FBXO24: variants seen among roughly 807,000 people sequenced by gnomAD.
FBXO24 encodes F-box protein 24.
FBXO24 carries 30 observed loss-of-function variants against 63.5 expected under a neutral mutation model. The ratio of observed to expected loss-of-function variants is 0.47; its 90% CI spans 0.35 to 0.64. FBXO24 has a LOEUF of 0.64. FBXO24 is among the 30% of genes least tolerant of loss of function. The pLI, the probability that FBXO24 is intolerant of heterozygous loss-of-function variation, is 0.00. For missense variants in FBXO24, 624 were observed against 763.4 expected (o/e 0.82, Z 2.15); for synonymous variants, 300 against 305.0 (o/e 0.98, Z 0.17).
chr7:100,591,686 C>G lies in FBXO24; in HGVS notation c.342C>G (p.Phe114Leu). Reference sequence around the variant, plus strand: ...CTCCAGACACGAAGGGCCTGTATTTCCAGGCATTTGGAGGCCGCCGCCGAT... The same window carrying G: ...CTCCAGACACGAAGGGCCTGTATTTGCAGGCATTTGGAGGCCGCCGCCGAT... Reference protein sequence around the residue: ...AILNYTKGLYFQAFGGRRRCL... With the variant: ...AILNYTKGLYLQAFGGRRRCL... The change falls in exon 4 of 10, where the codon TTC becomes TTG. Residue 114 changes from phenylalanine to leucine, a missense_variant. Phe to Leu is a conservative substitution (Grantham distance 22, BLOSUM62 0). Coordinates refer to ENST00000241071, the MANE Select transcript of FBXO24 (RefSeq NM_033506.3). 6.2e-7 allele frequency: 1 copy of G among 1,614,162 alleles called. No homozygotes were observed. The highest frequency in any genetic ancestry group is 8.5e-7 in the Non-Finnish European group (1 of 1,180,006).
At chr7:100,592,705 C>A in intron 4 of FBXO24, 78 bp from the exon 5 acceptor site, 2 of 1,140,838 alleles carry the variant, frequency 1.8e-6, no homozygotes, top group Non-Finnish European at 2.6e-6. Flanking sequence ...ATTTCACTTC[C>A]CACCCCAGGA....
chr7:100,597,085 G>A (rs1802346782), intron 8 of FBXO24, among the ~76,000 whole-genome samples: 1 of 152,144 alleles, frequency 6.6e-6, no homozygotes, highest in Non-Finnish European at 1.5e-5. Context: ...GAAACGTCTA[G>A]CTGGCAATTA....
chr7:100,598,712 C>T (rs1802429681), intron 8 of FBXO24, among the ~76,000 whole-genome samples: 1 of 152,194 alleles, frequency 6.6e-6, no homozygotes, highest in Non-Finnish European at 1.5e-5. Flanking sequence ...TCAACTAGCT[C>T]ACACCTGTAA....
intron 4 of FBXO24, chr7:100,592,362 A>G (rs560528631): frequency 4.1e-6 from 1 of 242,058 alleles, no homozygotes; most frequent in South Asian, 5.3e-5. Context: ...ACTTACAATC[A>G]TGGCAGAAGG....
At position 100,600,052 on chromosome 7, in the gene FBXO24, A is replaced by G. The variant is rs1223607902; in HGVS notation, c.1228A>G (p.Ile410Val). 3 of 1,514,290 alleles carry G rather than the reference A, an allele frequency of 2.0e-6. No homozygotes were observed. Among genetic ancestry groups the G allele is most frequent in the Non-Finnish European group, 2.7e-6 (3 of 1,121,252 alleles). The allele number at this position is 1,514,290 out of a possible 1,614,324, so 93.8% of individuals were successfully genotyped here. Residue 410 changes from isoleucine to valine, a missense_variant, in exon 9 of 10, where the codon ATC becomes GTC. Ile to Val is a conservative substitution (Grantham distance 29). This residue lies in a region of FBXO24 where 216 missense variants were observed against 245.2 expected (regional missense o/e 0.88). Transcript: ENST00000241071. This position sits in a 1 kb window ranked among gnomAD's most constrained non-coding sequence, Gnocchi z 6.3. ...PTQVCYLQRPITLWCGLNHSL... is the reference protein window; with the variant it reads ...PTQVCYLQRPVTLWCGLNHSL... Reference sequence around the variant, plus strand: ...CCAGGTTTGTTACCTGCAGCGGCCCATCACCCTGTGGTGCGGCCTCAACCA... The same window carrying G: ...CCAGGTTTGTTACCTGCAGCGGCCCGTCACCCTGTGGTGCGGCCTCAACCA...
intron 8 of FBXO24, 148 bp from the exon 9 acceptor site, chr7:100,599,883 G>A: frequency 1.2e-6 from 1 of 838,634 alleles, no homozygotes; most frequent in Non-Finnish European, 1.9e-6. Context: ...GGGGTCAGCA[G>A]GGCAGACCTG....
At chr7:100,592,669 C>A in intron 4 of FBXO24, 114 bp from the exon 5 acceptor site, 1 of 779,176 alleles carries the variant, frequency 1.3e-6, no homozygotes, top group Non-Finnish European at 2.1e-6. Flanking sequence ...AAATCAAGGG[C>A]TCATTTCCCA....
chr7:100,601,094 G>A lies in FBXO24; in HGVS notation c.*195G>A. The A allele has an allele frequency of 2.1e-6, 1 of 470,674 alleles. No homozygotes were observed. Among genetic ancestry groups the A allele is most frequent in the Non-Finnish European group, 3.4e-6 (1 of 295,164 alleles). The allele number at this position is 470,674 out of a possible 1,614,324, so 29.2% of individuals were successfully genotyped here. A position where few individuals can be genotyped will look rare whatever the true frequency, so the allele number is the denominator to read the frequency against. ...ACTATCATGGACAAGAGATTTGATG[G>A]ATAGAATAAAAGGCTGCAGCGAGGC... On this transcript the variant is annotated 3_prime_UTR_variant, in exon 10 of 10. Transcript: ENST00000241071.
Position 100,600,727 on chromosome 7 carries a change from G to T in FBXO24, c.1571G>T (p.Ser524Ile), listed in dbSNP as rs1387916550. Residue 524 changes from serine to isoleucine, a missense_variant, in exon 10 of 10, where the codon AGC (serine) becomes ATC (isoleucine). Transcript: ENST00000241071. The surrounding 1 kb of genome is among the most constrained non-coding windows in gnomAD (Gnocchi z 6.3). ...GCCCAGGCCTGCGAGGAGTACCTCA[G>T]CCAGATCCACAGTTGCCAAACGTTG... ...GMAQACEEYLSQIHSCQTLQD... is the reference protein window; with the variant it reads ...GMAQACEEYLIQIHSCQTLQD... The T allele has an allele frequency of 6.2e-7, 1 of 1,614,188 alleles. No individual in the cohort carries two copies.
rs748527293 is a variant in FBXO24 at position 100,586,671 on chromosome 7, T to C, written c.39+7T>C. The C allele has an allele frequency of 7.4e-6, 12 of 1,614,126 alleles. No homozygotes were observed. The Admixed American group carries it at 2.0e-4, about 27-fold the overall frequency. ...TTTGCTAAGGAGGAGGCGGGTGAGC[T>C]AGAACTTTAAGACTGAGGTTAAGAA... On this transcript the variant is annotated splice_region_variant and intron_variant, in intron 1 of 9. Transcript: ENST00000241071.
rs1246120185 is a variant in FBXO24 at position 100,594,438 on chromosome 7, C to T, written c.849C>T (p.Arg283=). 2 of 1,613,824 alleles carry T rather than the reference C, an allele frequency of 1.2e-6. No individual in the cohort carries two copies. The highest frequency in any genetic ancestry group is 2.2e-5 in the East Asian group (1 of 44,868). The stretch of plus-strand genomic sequence containing the variant: ...ATGAGACCCAGCTTGACCAGCCACG[C>T]TCCTACACGGTTCAGCTGGCCCTGA... ...VVNETQLDQP[R]SYTVQLALRK... Residue 283 remains arginine, a synonymous_variant, in exon 6 of 10, where the codon CGC becomes CGT. Coordinates refer to ENST00000241071, the MANE Select transcript of FBXO24 (RefSeq NM_033506.3). This position sits in a 1 kb window ranked among gnomAD's most constrained non-coding sequence, Gnocchi z 4.2.
intron 8 of FBXO24, among the ~76,000 whole-genome samples, chr7:100,597,801 A>G (rs1212966212): frequency 3.9e-5 from 6 of 152,020 alleles, no homozygotes; most frequent in Non-Finnish European, 8.8e-5. Flanking sequence ...TCCAGGGCTC[A>G]AGAGATCCTC....
Position 100,595,093 on chromosome 7 carries a change from AC to A in FBXO24, c.953-3del, listed in dbSNP as rs1346277430. ...AAAGCTGCTGAGCTGAGGGCTCCTG[AC>A]CCCCCAGACCAGGGGGGAGTGTATT... is the stretch of plus-strand genomic sequence containing the variant. On this transcript the variant is annotated splice_region_variant and splice_polypyrimidine_tract_variant and intron_variant, in intron 6 of 9. Coordinates refer to ENST00000241071, the MANE Select transcript of FBXO24 (RefSeq NM_033506.3). 5.0e-6 allele frequency: 8 copies of A among 1,612,516 alleles called. No individual in the cohort carries two copies. Among genetic ancestry groups the A allele is most frequent in the Non-Finnish European group, 6.8e-6 (8 of 1,179,456 alleles).
At chr7:100,599,988 C>T in intron 8 of FBXO24, 43 bp from the exon 9 acceptor site, 1 of 1,563,250 alleles carries the variant, frequency 6.4e-7, no homozygotes, top group Non-Finnish European at 8.7e-7. Flanking sequence ...CCCCCCCGTC[C>T]CTTGGTGCTC....
At position 100,586,675 on chromosome 7, in the gene FBXO24, A is replaced by T; in HGVS notation, c.39+11A>T. On this transcript the variant is annotated intron_variant, in intron 1 of 9. Transcript: ENST00000241071. The stretch of plus-strand genomic sequence containing the variant: ...CTAAGGAGGAGGCGGGTGAGCTAGA[A>T]CTTTAAGACTGAGGTTAAGAATGAA... The T allele has an allele frequency of 6.2e-7, 1 of 1,614,114 alleles. No individual in the cohort carries two copies. The highest frequency in any genetic ancestry group is 8.5e-7 in the Non-Finnish European group (1 of 1,179,952).
At position 100,600,938 on chromosome 7, in the gene FBXO24, C is replaced by T. The variant is rs375165966; in HGVS notation, c.*39C>T. 379 of 1,584,802 alleles carry T rather than the reference C, an allele frequency of 2.4e-4. No individual in the cohort carries two copies. The highest frequency in any genetic ancestry group is 3.0e-4 in the Non-Finnish European group (351 of 1,166,922). ...AGCCTAGTCCCTGGAGGAGGGAGTC[C>T]GGCCCCAGGCCAGGGACTAAGGAGC... On this transcript the variant is annotated 3_prime_UTR_variant, in exon 10 of 10. Coordinates refer to ENST00000241071, the MANE Select transcript of FBXO24 (RefSeq NM_033506.3). This position sits in a 1 kb window ranked among gnomAD's most constrained non-coding sequence, Gnocchi z 6.3.
intron 3 of FBXO24, among the ~76,000 whole-genome samples, chr7:100,590,950 G>T (rs1447719561): frequency 6.6e-6 from 1 of 152,078 alleles, no homozygotes; most frequent in African/African-American, 2.4e-5. Context: ...AAAGCTAGGG[G>T]TGAGGGAGGA....
At position 100,595,090 on chromosome 7, in the gene FBXO24, C is replaced by T; in HGVS notation, c.953-12C>T. 1 of 1,613,880 alleles carries T rather than the reference C, an allele frequency of 6.2e-7. No individual in the cohort carries two copies. ...CCCAAAGCTGCTGAGCTGAGGGCTC[C>T]TGACCCCCCAGACCAGGGGGGAGTG... On this transcript the variant is annotated splice_polypyrimidine_tract_variant and intron_variant, in intron 6 of 9. Coordinates refer to ENST00000241071, the MANE Select transcript of FBXO24 (RefSeq NM_033506.3).
In FBXO24 at chr7:100,586,635, AAGGCGGTCCCTTTGCTAAGGAGG is replaced by A. The variant is rs1378546512; in HGVS notation, c.17_39del (p.Val6GlyfsTer15). ...TCTACCTACCAATAGCATGGGCGAG[AAGGCGGTCCCTTTGCTAAGGAGG>A]AGGCGGGTGAGCTAGAACTTTAAGA... On this transcript the variant is annotated frameshift_variant, in exon 1 of 10. Coordinates refer to ENST00000241071, the MANE Select transcript of FBXO24 (RefSeq NM_033506.3). LOFTEE classifies it high-confidence loss of function. 6.2e-7 allele frequency: 1 copy of A among 1,614,196 alleles called. No individual in the cohort carries two copies. The highest frequency in any genetic ancestry group is 1.1e-5 in the South Asian group (1 of 91,086).
Sources: gnomAD v4.1 joint callset for allele counts (sites outside exome capture counted in the v4.1 genomes callset) on GRCh38, gnomAD v4.1.1 for gene constraint, gnomAD v4.1.1 regional missense constraint, Gnocchi (gnomAD v3.1) non-coding constraint, MANE v1.5 for transcripts, NCBI Gene and HGNC (gene_info 2026-07-23, HGNC 2026-07-21) for gene names.